Variants in SLC22A12 observed in about 807,000 individuals in gnomAD.
SLC22A12 encodes the protein organic anion transporter 4-like protein.
SLC22A12 carries 56 observed loss-of-function variants against 52.7 expected under a neutral mutation model. The observed-to-expected ratio is 1.06, with a 90% CI of 0.86 to 1.33. SLC22A12 has a LOEUF of 1.33. Ranked by LOEUF, SLC22A12 falls within the 40% of genes most tolerant of loss-of-function variation. The probability of loss-of-function intolerance (pLI) is 0.00; values close to 1 mark genes in which losing one functional copy is unlikely to be tolerated. For missense variants in SLC22A12, 683 were observed against 741.5 expected, an observed-to-expected ratio of 0.92 and a Z score of 0.92; for synonymous variants, 337 against 324.6, an observed-to-expected ratio of 1.04 and a Z score of -0.41.
At chr11:64,591,982 C>G (rs776148953) in intron 1 of SLC22A12, 24 bp downstream of exon 1, 2 of 1,606,136 alleles carry the variant, frequency 1.2e-6, no homozygotes, top group Admixed American at 1.7e-5. Flanking sequence ...CAGAGCCACT[C>G]GAGTCCCACC....
In SLC22A12 at chr11:64,591,707, G is replaced by T. The variant is rs1391741019; in HGVS notation, c.151G>T (p.Ala51Ser). ...CGCCGTGCCCAGCCACCGCTGCTGG[G>T]CACCCCTCCTGGACAACAGCACGGC... Reference protein sequence around the residue: ...SAAVPSHRCWAPLLDNSTAQA... With the variant: ...SAAVPSHRCWSPLLDNSTAQA... The change falls in exon 1 of 10, where the codon GCA becomes TCA. Residue 51 changes from alanine to serine, a missense_variant. By Grantham distance (99) the Ala-to-Ser change is moderately conservative. Transcript: ENST00000377574. 2 of 1,612,404 alleles carry T rather than the reference G, an allele frequency of 1.2e-6. No individual in the cohort carries two copies. The highest frequency in any genetic ancestry group is 4.5e-5 in the East Asian group (2 of 44,872).
intron 4 of SLC22A12, among the ~76,000 whole-genome samples, chr11:64,595,580 GA>G: frequency 4.9e-5 from 7 of 143,232 alleles, no homozygotes; most frequent in East Asian, 2.2e-4. Context: ...TGGATGGATG[GA>G]ATGGAAGGAG....
Position 64,593,493 on chromosome 11 carries a change from T to A in SLC22A12, c.595T>A (p.Tyr199Asn). The part of the protein sequence containing the change: ...AAAFAPAFPV[Y>N]CLFRFLLAFA... ...TGCCTTCGCCCCTGCCTTCCCCGTG[T>A]ACTGCCTGTTCCGCTTCCTGTTGGC... Residue 199 changes from tyrosine (Y) to asparagine (N), a missense_variant, in exon 3 of 10, where the codon TAC (tyrosine) becomes AAC (asparagine). By Grantham distance (143) the Tyr-to-Asn change is moderately radical. Coordinates refer to ENST00000377574, the MANE Select transcript of SLC22A12 (RefSeq NM_144585.4). 6.2e-7 allele frequency: 1 copy of A among 1,614,164 alleles called. No homozygotes were observed. The highest frequency in any genetic ancestry group is 1.1e-5 in the South Asian group (1 of 91,090).
chr11:64,601,263 A>G (rs906240820), intron 9 of SLC22A12, among the ~76,000 whole-genome samples: 2 of 152,056 alleles, frequency 1.3e-5, no homozygotes, highest in African/African-American at 4.8e-5. Context: ...AGATCCAGCC[A>G]TTGTTGGGGG....
At position 64,599,609 on chromosome 11, in the gene SLC22A12, TCCCACCCTGCCCACCACCCCCCCCCACCC is replaced by T. The variant is rs1220943749; in HGVS notation, c.1071-59_1071-31del. ...ACCCTGAGCCCCCACCGCCCATTGT[TCCCACCCTGCCCACCACCCCCCCCCACCC>T]CCCACCCCCACCCTGACTTCCCTGA... On this transcript the variant is annotated intron_variant, in intron 6 of 9. Coordinates refer to ENST00000377574, the MANE Select transcript of SLC22A12 (RefSeq NM_144585.4). 33 of 221,454 alleles carry T rather than the reference TCCCACCCTGCCCACCACCCCCCCCCACCC, an allele frequency of 1.5e-4. 2 individuals carry two copies. Among genetic ancestry groups the T allele is most frequent in the Middle Eastern group, 1.4e-3 (1 of 732 alleles). The allele number at this position is 221,454 out of a possible 1,614,324, so 13.7% of individuals were successfully genotyped here.
intron 8 of SLC22A12, 76 bp from the exon 9 acceptor site, chr11:64,600,659 C>T (rs557630188): frequency 6.9e-6 from 11 of 1,590,258 alleles, no homozygotes; most frequent in Middle Eastern, 2.0e-4. Flanking sequence ...CTGGGCCAAG[C>T]GGGCCTGGCC....
At chr11:64,592,649 C>T (rs1264274210) in intron 1 of SLC22A12, 130 bp from the exon 2 acceptor site, 1 of 788,020 alleles carries the variant, frequency 1.3e-6, no homozygotes, top group Non-Finnish European at 2.3e-6. Context: ...CAGGGTCTTG[C>T]TCTAAAACCC....
intron 4 of SLC22A12, among the ~76,000 whole-genome samples, chr11:64,596,522 A>C: frequency 6.6e-6 from 1 of 152,188 alleles, no homozygotes; most frequent in East Asian, 1.9e-4. Context: ...CAGGCCCTGC[A>C]CTTAGTAGTT....
intron 1 of SLC22A12, among the ~76,000 whole-genome samples, chr11:64,592,172 G>A (rs895647133): frequency 1.3e-5 from 2 of 152,128 alleles, no homozygotes; most frequent in East Asian, 1.9e-4. Context: ...TTGGAGGTGC[G>A]GGGGGCACCT....
At position 64,598,851 on chromosome 11, in the gene SLC22A12, C is replaced by A; in HGVS notation, c.998C>A (p.Pro333His). 2 of 1,612,868 alleles carry A rather than the reference C, an allele frequency of 1.2e-6. No homozygotes were observed. Among genetic ancestry groups the A allele is most frequent in the Non-Finnish European group, 1.7e-6 (2 of 1,179,982 alleles). ...AMREELSMGQ[P>H]PASLGTLLRM... is the part of the protein sequence containing the mutation. ...CGGGAGGAGCTGAGCATGGGCCAGC[C>A]TCCTGCCAGCCTGGGCACCCTGCTC... is the stretch of plus-strand genomic sequence containing the variant. Residue 333 changes from proline (P) to histidine (H), a missense_variant, in exon 6 of 10, where the codon CCT becomes CAT. Physicochemically the swap from Pro to His is moderately conservative, Grantham distance 77. Transcript: ENST00000377574.
chr11:64,601,353 A>T, intron 9 of SLC22A12, 135 bp from the exon 10 acceptor site: 1 of 859,160 alleles, frequency 1.2e-6, no homozygotes, highest in Non-Finnish European at 1.9e-6. Flanking sequence ...CCAACCCATC[A>T]CATGCTCGGG....
chr11:64,600,767 C>A lies in SLC22A12; in HGVS notation c.1427C>A (p.Ala476Asp), dbSNP rs148862453. The A allele has an allele frequency of 8.3e-5, 134 of 1,605,102 alleles. No homozygotes were observed. Among genetic ancestry groups the A allele is most frequent in the Non-Finnish European group, 1.0e-4 (122 of 1,179,902 alleles). ...MTAVGLGQMAARGGAILGPLV... is the reference protein window; with the variant it reads ...MTAVGLGQMADRGGAILGPLV... ...GCAGTGGGCTTGGGCCAGATGGCAG[C>A]CCGTGGAGGAGCCATCCTGGGGCCT... Residue 476 changes from alanine (A) to aspartate (D), a missense_variant, in exon 9 of 10, where the codon GCC (alanine) becomes GAC (aspartate). Ala to Asp is a moderately radical substitution (Grantham distance 126, BLOSUM62 -2). Coordinates refer to ENST00000377574, the MANE Select transcript of SLC22A12 (RefSeq NM_144585.4).
Position 64,600,785 on chromosome 11 carries a change from T to C in SLC22A12, c.1445T>C (p.Leu482Pro). Residue 482 changes from leucine (L) to proline (P), a missense_variant, in exon 9 of 10, where the codon CTG becomes CCG. Leu to Pro is a moderately conservative substitution (Grantham distance 98). Coordinates refer to ENST00000377574, the MANE Select transcript of SLC22A12 (RefSeq NM_144585.4). ...GQMAARGGAI[L>P]GPLVRLLGVH... ...ATGGCAGCCCGTGGAGGAGCCATCC[T>C]GGGGCCTCTGGTCCGGCTGCTGGGT... 6.2e-7 allele frequency: 1 copy of C among 1,605,750 alleles called. No homozygotes were observed. Among genetic ancestry groups the C allele is most frequent in the Non-Finnish European group, 8.5e-7 (1 of 1,179,906 alleles).
intron 7 of SLC22A12, 94 bp from the exon 8 acceptor site, chr11:64,600,273 C>G (rs2039409420): frequency 1.0e-6 from 1 of 987,822 alleles, no homozygotes; most frequent in Non-Finnish European, 1.5e-6. Flanking sequence ...TACAAAGAGG[C>G]CTGAAAGTCA....
chr11:64,592,009 A>T, intron 1 of SLC22A12, 51 bp downstream of exon 1: 18 of 1,593,604 alleles, frequency 1.1e-5, no homozygotes, highest in Non-Finnish European at 1.5e-5. Flanking sequence ...GAGGTCAGTC[A>T]TGGATCACGG....
rs549779446 is a variant in SLC22A12, at chr11:64,598,870, C to T, written c.1017C>T (p.Thr339=). 3.7e-6 allele frequency: 6 copies of T among 1,612,968 alleles called. No homozygotes were observed. In the South Asian group the frequency reaches 5.5e-5, roughly 15 times the overall value. Residue 339 remains threonine, a synonymous_variant, in exon 6 of 10, where the codon ACC becomes ACT. Coordinates refer to ENST00000377574, the MANE Select transcript of SLC22A12 (RefSeq NM_144585.4). ...GCCAGCCTCCTGCCAGCCTGGGCAC[C>T]CTGCTCCGCATGCCCGGACTGCGCT... ...SMGQPPASLG[T]LLRMPGLRFR... is the part of the protein sequence containing the mutation.
chr11:64,599,659 C>T lies in SLC22A12; in HGVS notation c.1071-17C>T. The stretch of plus-strand genomic sequence containing the variant: ...CACCCCCCACCCCCACCCTGACTTC[C>T]CTGACCCCTGCCCCAGGTTCGCCTT... On this transcript the variant is annotated splice_polypyrimidine_tract_variant and intron_variant, in intron 6 of 9. Coordinates refer to ENST00000377574, the MANE Select transcript of SLC22A12 (RefSeq NM_144585.4). The T allele has an allele frequency of 8.9e-7, 1 of 1,129,488 alleles. No homozygotes were observed. Among genetic ancestry groups the T allele is most frequent in the Non-Finnish European group, 1.2e-6 (1 of 817,286 alleles). The allele number at this position is 1,129,488 out of a possible 1,614,324, so 70.0% of individuals were successfully genotyped here.
At chr11:64,593,580 C>T (rs1255767178) in intron 3 of SLC22A12, 21 bp downstream of exon 3, 1 of 1,614,132 alleles carries the variant, frequency 6.2e-7, no homozygotes, top group Non-Finnish European at 8.5e-7. Flanking sequence ...GACCTGGCGC[C>T]ATGCAGGGGG....
intron 4 of SLC22A12, among the ~76,000 whole-genome samples, chr11:64,594,170 C>T (rs1322772098): frequency 6.6e-6 from 1 of 152,256 alleles, no homozygotes; most frequent in Non-Finnish European, 1.5e-5. Flanking sequence ...CCAGGCATGG[C>T]AGCACTGAGC....
Sources: allele counts gnomAD v4.1 joint callset (sites outside exome capture counted in the v4.1 genomes callset), GRCh38; gene constraint gnomAD v4.1.1; transcripts MANE v1.5; gene names NCBI Gene and HGNC (gene_info 2026-07-23, HGNC 2026-07-21).